Variants in TSHZ2 observed in about 807,000 individuals in gnomAD.
TSHZ2 encodes teashirt zinc finger homeobox 2.
In TSHZ2, 21 loss-of-function variants were observed where a neutral mutation model predicts 74.4. The observed-to-expected ratio is 0.28, with a 90% CI of 0.20 to 0.41. The LOEUF (loss-of-function observed/expected upper bound fraction) is 0.41, where lower values mean the gene tolerates loss of function less well. TSHZ2 is among the 10% of genes least tolerant of loss of function. TSHZ2 has a pLI of 1.00. For synonymous variants in TSHZ2, 540 were observed against 515.3 expected, an observed-to-expected ratio of 1.05 and a Z score of -0.65; for missense variants, 1,244 against 1,293.5, an observed-to-expected ratio of 0.96 and a Z score of 0.59.
At chr20:53,345,867 C>G (rs1221881333) in intron 2 of TSHZ2, among the ~76,000 whole-genome samples, 1 of 152,050 alleles carries the variant, frequency 6.6e-6, no homozygotes, top group African/African-American at 2.4e-5. Flanking sequence ...AAAACCACCA[C>G]CCTCCCCGCT....
chr20:53,401,340 C>G (rs1982650773), intron 2 of TSHZ2: 2 of 152,116 alleles, frequency 1.3e-5, no homozygotes, highest in Admixed American at 6.5e-5. Context: ...GATTGTAATT[C>G]TATATTTTTA....
intron 1 of TSHZ2, among the ~76,000 whole-genome samples, chr20:52,978,623 T>G (rs1884887): frequency 1 from 152,121 of 152,280 alleles, 75,981 homozygotes; most frequent in Middle Eastern, 1. Flanking sequence ...AACAGTTAAA[T>G]AGTGTCTTGC....
chr20:53,364,854 C>T (rs111886832), intron 2 of TSHZ2, among the ~76,000 whole-genome samples: 3,801 of 152,280 alleles, frequency 0.025, 158 homozygotes, highest in African/African-American at 0.083. Context: ...TGGGCAGATG[C>T]CTGATTACTT....
intron 2 of TSHZ2, among the ~76,000 whole-genome samples, chr20:53,272,738 T>C (rs1379063119): frequency 1.3e-5 from 2 of 152,056 alleles, no homozygotes; most frequent in African/African-American, 4.8e-5. Context: ...TCTGCCAGGA[T>C]GTTTTTGCAT....
At chr20:53,001,070 CAGAT>C (rs922210283) in intron 1 of TSHZ2, among the ~76,000 whole-genome samples, 6 of 152,078 alleles carry the variant, frequency 3.9e-5, no homozygotes, top group Admixed American at 3.9e-4. Flanking sequence ...TTTTAAGACA[CAGAT>C]AGCAGAGATG....
At chr20:53,386,371 A>G (rs1982046348) in intron 2 of TSHZ2, among the ~76,000 whole-genome samples, 1 of 152,214 alleles carries the variant, frequency 6.6e-6, no homozygotes, top group African/African-American at 2.4e-5. Flanking sequence ...TGAGGAGCTC[A>G]CGGTACAGGA....
At chr20:53,187,710 T>A (rs1373648335) in intron 1 of TSHZ2, among the ~76,000 whole-genome samples, 1 of 149,478 alleles carries the variant, frequency 6.7e-6, no homozygotes, top group Non-Finnish European at 1.5e-5. Flanking sequence ...TTTTTTAAGG[T>A]GAGAGGACAG....
At chr20:53,309,300 A>G (rs1978679410) in intron 2 of TSHZ2, among the ~76,000 whole-genome samples, 1 of 152,184 alleles carries the variant, frequency 6.6e-6, no homozygotes, top group Non-Finnish European at 1.5e-5. Context: ...TGGGCTGAAG[A>G]TGTGAGAATT....
At chr20:53,485,290 C>A (rs1201047325) in intron 2 of TSHZ2, among the ~76,000 whole-genome samples, 1 of 152,132 alleles carries the variant, frequency 6.6e-6, no homozygotes, top group Admixed American at 6.6e-5. Flanking sequence ...ATCGTAGTAT[C>A]ATAAACTATT....
chr20:52,988,589 T>C (rs1981860011), intron 1 of TSHZ2, among the ~76,000 whole-genome samples: 1 of 146,834 alleles, frequency 6.8e-6, no homozygotes, highest in Non-Finnish European at 1.5e-5. Flanking sequence ...AATTGTGTTG[T>C]AGAAAAAAAA....
intron 1 of TSHZ2, among the ~76,000 whole-genome samples, chr20:53,106,700 TTTTTTTG>T (rs1313568507): frequency 3.3e-4 from 40 of 119,648 alleles, no homozygotes; most frequent in Non-Finnish European, 4.7e-4. Flanking sequence ...GCAGGGCATT[TTTTTTTG>T]TTTTTTTTTT....
At chr20:53,189,693 A>G (rs1988681949) in intron 1 of TSHZ2, among the ~76,000 whole-genome samples, 1 of 152,156 alleles carries the variant, frequency 6.6e-6, no homozygotes, top group Non-Finnish European at 1.5e-5. Context: ...TATCCCTGGT[A>G]TGCAATGTAA....
intron 2 of TSHZ2, among the ~76,000 whole-genome samples, chr20:53,273,532 A>G (rs557255708): frequency 6.6e-6 from 1 of 152,252 alleles, no homozygotes; most frequent in East Asian, 1.9e-4. Flanking sequence ...CAGGTGATCC[A>G]CCTGCCTCGA....
intron 2 of TSHZ2, among the ~76,000 whole-genome samples, chr20:53,485,748 A>G (rs1421883455): frequency 6.6e-6 from 1 of 152,188 alleles, no homozygotes; most frequent in Non-Finnish European, 1.5e-5. Flanking sequence ...CTAGAAGGAA[A>G]TACAGCAGAA....
chr20:52,988,584 T>C (rs1444652968), intron 1 of TSHZ2, among the ~76,000 whole-genome samples: 1 of 150,508 alleles, frequency 6.6e-6, no homozygotes, highest in Non-Finnish European at 1.5e-5. Context: ...AAGTCAATTG[T>C]GTTGTAGAAA....
chr20:53,344,481 A>G (rs752870850), intron 2 of TSHZ2, among the ~76,000 whole-genome samples: 53 of 152,244 alleles, frequency 3.5e-4, no homozygotes, highest in Non-Finnish European at 5.7e-4. Context: ...ACATCCCCCA[A>G]AGATTTTTGG....
chr20:53,307,804 G>C (rs1355795405), intron 2 of TSHZ2, among the ~76,000 whole-genome samples: 1 of 151,708 alleles, frequency 6.6e-6, no homozygotes, highest in African/African-American at 2.4e-5. Context: ...AACCCCCAGA[G>C]GTGATTCTAA....
chr20:53,353,370 C>A (rs1980729608), intron 2 of TSHZ2, among the ~76,000 whole-genome samples: 1 of 152,186 alleles, frequency 6.6e-6, no homozygotes, highest in Admixed American at 6.5e-5. Context: ...TTGTATTTCT[C>A]ATATGTGTGT....
intron 2 of TSHZ2, among the ~76,000 whole-genome samples, chr20:53,365,466 G>A (rs1981224217): frequency 6.6e-6 from 1 of 152,180 alleles, no homozygotes; most frequent in Non-Finnish European, 1.5e-5. Context: ...GATGGGGGAG[G>A]TCATACTATC....
Sources: allele counts gnomAD v4.1 joint callset (sites outside exome capture counted in the v4.1 genomes callset), GRCh38; gene constraint gnomAD v4.1.1; transcripts MANE v1.5; gene names NCBI Gene and HGNC (gene_info 2026-07-23, HGNC 2026-07-21).